The following BLTP1 variants were observed in gnomAD, a reference collection of about 807,000 sequenced individuals.
The protein encoded by BLTP1 is fragile site-associated protein.
chr4:122,214,457 T>C, the BLTP1 span: 2 of 958,322 alleles, frequency 2.1e-6, no homozygotes, highest in Non-Finnish European at 2.5e-6. Flanking sequence ...TTACATGCCA[T>C]CTATTATAAA....
the BLTP1 span, chr4:122,287,598 G>A: frequency 1.0e-6 from 1 of 985,114 alleles, no homozygotes; most frequent in Admixed American, 6.2e-5. Context: ...AAAGCAATGT[G>A]CTATTTGTTT....
the BLTP1 span, chr4:122,353,173 C>T: frequency 2.5e-6 from 4 of 1,609,802 alleles, no homozygotes; most frequent in Non-Finnish European, 3.4e-6. This position sits in a 1 kb window ranked among gnomAD's most constrained non-coding sequence, Gnocchi z 4.3. Flanking sequence ...GACACATTTC[C>T]AGCTTTTACT....
At chr4:122,153,742 A>G in the BLTP1 span, among the ~76,000 whole-genome samples, 3 of 152,218 alleles carry the variant, frequency 2.0e-5, no homozygotes, top group African/African-American at 7.2e-5. Flanking sequence ...TATGTTTTAA[A>G]CATAGGATTT....
chr4:122,308,511 G>T, the BLTP1 span, among the ~76,000 whole-genome samples: 1 of 151,944 alleles, frequency 6.6e-6, no homozygotes, highest in East Asian at 1.9e-4. Flanking sequence ...TTTATAAGAT[G>T]GAAATAAAAG....
At chr4:122,186,022 A>G in the BLTP1 span, 1 of 1,518,782 alleles carries the variant, frequency 6.6e-7, no homozygotes, top group Non-Finnish European at 8.8e-7. Flanking sequence ...TTTTTTTGTA[A>G]TTGGTGTCTT....
chr4:122,236,071 C>T, the BLTP1 span, among the ~76,000 whole-genome samples: 1 of 152,118 alleles, frequency 6.6e-6, no homozygotes, highest in Admixed American at 6.5e-5. Context: ...GCCATTTCCC[C>T]TTAATTAATT....
chr4:122,357,374 G>A, the BLTP1 span, among the ~76,000 whole-genome samples: 1 of 151,876 alleles, frequency 6.6e-6, no homozygotes, highest in Non-Finnish European at 1.5e-5. Flanking sequence ...ACCAGCCTAG[G>A]CAACAAAGTG....
At chr4:122,190,494 G>A in the BLTP1 span, 4 of 880,072 alleles carry the variant, frequency 4.5e-6, no homozygotes, top group Admixed American at 1.2e-4. Flanking sequence ...TTAGCCATCA[G>A]GAAATGGTAA....
chr4:122,287,293 A>G, the BLTP1 span, among the ~76,000 whole-genome samples: 1 of 152,254 alleles, frequency 6.6e-6, no homozygotes, highest in Admixed American at 6.5e-5. Flanking sequence ...ACTAAGGTTA[A>G]GTTGAAAGTA....
chr4:122,336,650 A>G, the BLTP1 span: 1 of 979,598 alleles, frequency 1.0e-6, no homozygotes, highest in South Asian at 4.7e-5. Flanking sequence ...GGGCAAGGAT[A>G]TAATCACTAG....
the BLTP1 span, chr4:122,209,282 T>A: frequency 3.7e-6 from 6 of 1,612,818 alleles, no homozygotes; most frequent in East Asian, 1.1e-4. Flanking sequence ...TCCTGCTGAG[T>A]GTCAAAGTGG....
At chr4:122,168,196 A>C in the BLTP1 span, among the ~76,000 whole-genome samples, 20 of 152,222 alleles carry the variant, frequency 1.3e-4, no homozygotes, top group Non-Finnish European at 2.5e-4. Flanking sequence ...TATTGATTGA[A>C]ACTTGTTTGA....
At chr4:122,324,544 A>G in the BLTP1 span, 295 of 1,585,578 alleles carry the variant, frequency 1.9e-4, no homozygotes, top group Non-Finnish European at 2.3e-4. Context: ...AAGGTAATAT[A>G]TATTTCAGCC....
chr4:122,348,433 C>A, the BLTP1 span: 2 of 733,074 alleles, frequency 2.7e-6, no homozygotes, highest in Non-Finnish European at 4.3e-6. Context: ...AATAGGATAA[C>A]CATTAAACAT....
chr4:122,251,455 T>C, the BLTP1 span: 10 of 925,470 alleles, frequency 1.1e-5, no homozygotes, highest in Non-Finnish European at 1.3e-5. Context: ...AAACATTTGT[T>C]TTTATTTAAT....
the BLTP1 span, among the ~76,000 whole-genome samples, chr4:122,265,204 G>C: frequency 6.6e-6 from 1 of 152,114 alleles, no homozygotes; most frequent in East Asian, 1.9e-4. Flanking sequence ...ACCAAAATCT[G>C]TGGTATGCCC....
At chr4:122,289,260 T>G in the BLTP1 span, 1 of 1,104,982 alleles carries the variant, frequency 9.0e-7, no homozygotes, top group Non-Finnish European at 1.3e-6. Context: ...TGATATCCCA[T>G]ATATCTGTGG....
the BLTP1 span, among the ~76,000 whole-genome samples, chr4:122,214,982 A>T: frequency 6.6e-6 from 1 of 152,156 alleles, no homozygotes; most frequent in African/African-American, 2.4e-5. Context: ...CTTAAGTCAC[A>T]CACCCAGCAT....
chr4:122,277,848 G>T, the BLTP1 span, among the ~76,000 whole-genome samples: 2 of 152,078 alleles, frequency 1.3e-5, no homozygotes, highest in East Asian at 3.8e-4. Flanking sequence ...TATAGTGGTT[G>T]TACAGATCTC....
Sources: gnomAD v4.1 joint callset for allele counts (sites outside exome capture counted in the v4.1 genomes callset) on GRCh38, gnomAD v4.1.1 for gene constraint, Gnocchi (gnomAD v3.1) non-coding constraint, MANE v1.5 for transcripts, NCBI Gene and HGNC (gene_info 2026-07-23, HGNC 2026-07-21) for gene names.